SEC24D: variants seen among roughly 807,000 people sequenced by gnomAD.
SEC24D encodes the protein protein transport protein Sec24D.
Under a neutral mutation model 116.9 loss-of-function variants are expected in SEC24D, and 69 were observed. That is an observed-to-expected ratio of 0.59 (90% confidence interval 0.49 to 0.72). The LOEUF is 0.72. SEC24D is among the 30% of genes least tolerant of loss of function. The pLI is 0.00. For missense variants in SEC24D, 1,131 were observed against 1,264.1 expected (o/e 0.89, Z 1.60); for synonymous variants, 405 against 442.8 (o/e 0.91, Z 1.07).
rs758477839 is a variant in SEC24D, at chr4:118,815,636, A to C, written c.488T>G (p.Ile163Ser). ...AAGAACTTGAGATCCAGGCTGCAAA[A>C]TGGAAGGCTGTGGAGGTCGTGGAGG... The part of the protein sequence containing the change: ...QTPPRPPQPS[I>S]LQPGSQVLPP... The change falls in exon 5 of 23, where the codon ATT becomes AGT. Residue 163 changes from isoleucine to serine, a missense_variant. By Grantham distance (142) the Ile-to-Ser change is moderately radical. Transcript: ENST00000280551. 8 of 1,614,006 alleles carry C rather than the reference A, an allele frequency of 5.0e-6. No homozygotes were observed. Among genetic ancestry groups the C allele is most frequent in the Admixed American group, 1.7e-5 (1 of 60,004 alleles).
intron 8 of SEC24D, 82 bp from the exon 9 acceptor site, chr4:118,768,393 A>ATTTT: frequency 9.8e-6 from 7 of 711,002 alleles, no homozygotes; most frequent in South Asian, 8.4e-5. Context: ...TTTTAATGGC[A>ATTTT]CTTTTTTTTT....
intron 13 of SEC24D, among the ~76,000 whole-genome samples, chr4:118,751,784 C>G (rs544067989): frequency 1.3e-5 from 2 of 152,254 alleles, no homozygotes; most frequent in East Asian, 3.9e-4. Context: ...AAATGAGTTG[C>G]TCAGATGCTA....
At chr4:118,773,003 AG>A (rs1455657348) in intron 8 of SEC24D, among the ~76,000 whole-genome samples, 2 of 152,106 alleles carry the variant, frequency 1.3e-5, no homozygotes, top group South Asian at 4.1e-4. Context: ...CTTATCTTTC[AG>A]CACCGGAGTT....
intron 20 of SEC24D, 116 bp from the exon 21 acceptor site, chr4:118,731,623 T>C: frequency 1.3e-6 from 1 of 765,202 alleles, no homozygotes; most frequent in African/African-American, 1.7e-5. Flanking sequence ...TGAGTACCTA[T>C]TATGTGCCAG....
At chr4:118,796,479 A>G (rs10518325) in intron 8 of SEC24D, among the ~76,000 whole-genome samples, 9,996 of 152,296 alleles carry the variant, frequency 0.066, 394 homozygotes, top group Middle Eastern at 0.25. Flanking sequence ...ACAACAGTTC[A>G]ATGCCTCTCC....
At chr4:118,814,088 T>G (rs1182173817) in intron 6 of SEC24D, among the ~76,000 whole-genome samples, 1 of 152,246 alleles carries the variant, frequency 6.6e-6, no homozygotes, top group Non-Finnish European at 1.5e-5. Context: ...CTTATGTTTA[T>G]CGAACCTATT....
rs145182685 is a variant in SEC24D, at chr4:118,733,526, T to C, written c.2497-614A>G. Among the ~76,000 whole-genome samples the C allele has an allele frequency of 1.7e-3, 262 of 152,286 alleles. 1 individual carries two copies. The highest frequency in any genetic ancestry group is 5.9e-3 in the African/African-American group (247 of 41,558). On this transcript the variant is annotated intron_variant, in intron 19 of 22. Coordinates refer to ENST00000280551, the MANE Select transcript of SEC24D (RefSeq NM_014822.4). ...AAAAATATTAAATGCCATTGTGTCA[T>C]AGGTTCTGTGCAAAGTGTCAAGGAT...
Position 118,761,078 on chromosome 4 carries a change from A to G in SEC24D, c.1297-3233T>C, listed in dbSNP as rs543107161. On this transcript the variant is annotated intron_variant, in intron 10 of 22. Coordinates refer to ENST00000280551, the MANE Select transcript of SEC24D (RefSeq NM_014822.4). ...ACTACCCTCATTTTCTCATAGTTGGACAACTACATTAATTTCTAATGTTCC... is the reference window on the plus strand; with the variant it reads ...ACTACCCTCATTTTCTCATAGTTGGGCAACTACATTAATTTCTAATGTTCC... 4.6e-5 allele frequency among the ~76,000 whole-genome samples: 7 copies of G among 152,116 alleles called. No individual in the cohort carries two copies. The South Asian group carries it at 1.5e-3, about 32-fold the overall frequency.
At chr4:118,810,798 A>C (rs1316969736) in intron 6 of SEC24D, among the ~76,000 whole-genome samples, 1 of 152,162 alleles carries the variant, frequency 6.6e-6, no homozygotes, top group Non-Finnish European at 1.5e-5. Context: ...TCCAAAGACT[A>C]AGACTAAGTC....
In SEC24D at chr4:118,732,820, A is replaced by C. The variant is rs776965278; in HGVS notation, c.2589T>G (p.Thr863=). The part of the protein sequence containing the change: ...CVLLSRPEIS[T]DERAYQRQLV... ...GCTGTCTCTGGTATGCTCGTTCATC[A>C]GTTGAGATCTCTGGTCTGCTGAGTA... The change falls in exon 20 of 23, where the codon ACT becomes ACG. Residue 863 remains threonine, a synonymous_variant. Coordinates refer to ENST00000280551, the MANE Select transcript of SEC24D (RefSeq NM_014822.4). The C allele has an allele frequency of 1.5e-5, 24 of 1,614,012 alleles. No homozygotes were observed. Among genetic ancestry groups the C allele is most frequent in the Non-Finnish European group, 1.9e-5 (23 of 1,179,970 alleles).
intron 8 of SEC24D, among the ~76,000 whole-genome samples, chr4:118,796,972 C>T (rs1729204678): frequency 6.6e-6 from 1 of 152,140 alleles, no homozygotes; most frequent in Admixed American, 6.5e-5. Flanking sequence ...TTTTCTTCCC[C>T]TGTGTGACTT....
chr4:118,823,431 A>G (rs186030191), intron 3 of SEC24D, among the ~76,000 whole-genome samples: 96 of 152,296 alleles, frequency 6.3e-4, no homozygotes, highest in Non-Finnish European at 1.2e-3. Flanking sequence ...AAAGGCCATG[A>G]CTAAAAGGCT....
intron 2 of SEC24D, among the ~76,000 whole-genome samples, chr4:118,829,137 T>TAC (rs1278088910): frequency 6.6e-6 from 1 of 152,264 alleles, no homozygotes; most frequent in Non-Finnish European, 1.5e-5. Flanking sequence ...TCTCACTAGC[T>TAC]AAGTAAATAC....
At chr4:118,827,294 A>G (rs1730628763) in intron 2 of SEC24D, among the ~76,000 whole-genome samples, 1 of 152,210 alleles carries the variant, frequency 6.6e-6, no homozygotes, top group South Asian at 2.1e-4. Context: ...TGATATCTGC[A>G]AAGTCATAGT....
chr4:118,802,163 C>A (rs1284898887), intron 7 of SEC24D, among the ~76,000 whole-genome samples: 1 of 152,074 alleles, frequency 6.6e-6, no homozygotes. Context: ...TCACTTGGAC[C>A]AGAATTGACC....
At chr4:118,799,927 G>A (rs1460111792) in intron 7 of SEC24D, among the ~76,000 whole-genome samples, 4 of 152,164 alleles carry the variant, frequency 2.6e-5, no homozygotes, top group Admixed American at 1.3e-4. Context: ...TATATTTTAA[G>A]ATGAGAGAAG....
chr4:118,821,481 T>C (rs1730401241), intron 3 of SEC24D, among the ~76,000 whole-genome samples: 1 of 152,178 alleles, frequency 6.6e-6, no homozygotes, highest in Non-Finnish European at 1.5e-5. Context: ...TCTTCCTCAG[T>C]CAAATCAAAA....
At chr4:118,772,674 G>A (rs1223885548) in intron 8 of SEC24D, among the ~76,000 whole-genome samples, 1 of 152,154 alleles carries the variant, frequency 6.6e-6, no homozygotes, top group African/African-American at 2.4e-5. Context: ...CGAATGCCCT[G>A]CTGCCAGCGT....
intron 19 of SEC24D, among the ~76,000 whole-genome samples, chr4:118,734,386 T>C (rs1483641876): frequency 3.3e-5 from 5 of 151,742 alleles, no homozygotes; most frequent in Non-Finnish European, 7.4e-5. Context: ...CTAACTTTTG[T>C]TTTTTTAGTA....
Sources: gnomAD v4.1 joint callset for allele counts (sites outside exome capture counted in the v4.1 genomes callset) on GRCh38, gnomAD v4.1.1 for gene constraint, MANE v1.5 for transcripts, NCBI Gene and HGNC (gene_info 2026-07-23, HGNC 2026-07-21) for gene names.